Variants in PHACTR2 observed in about 807,000 individuals in gnomAD.
PHACTR2 encodes phosphatase and actin regulator 2, also known as chromosome 6 open reading frame 56.
A neutral mutation model predicts 76.0 loss-of-function variants in PHACTR2; 30 were observed. The ratio of observed to expected loss-of-function variants is 0.39; its 90% CI spans 0.30 to 0.54. The LOEUF is 0.54. Ranked by LOEUF, PHACTR2 falls within the 20% of genes least tolerant of loss-of-function variation. The pLI, the probability that PHACTR2 is intolerant of heterozygous loss-of-function variation, is 0.61. For synonymous variants in PHACTR2, 292 were observed against 292.5 expected (o/e 1.00, Z 0.02); for missense variants, 696 against 781.1 (o/e 0.89, Z 1.30).
In PHACTR2 at chr6:143,818,215, G is replaced by A. The variant is rs1441338550; in HGVS notation, c.1923-5459G>A. ...CAGATGATCACCTTTTCTATTCCAT[G>A]CTACCCAGAGAACACCAGAAAATCA... On this transcript the variant is annotated intron_variant, in intron 12 of 12. Coordinates refer to ENST00000440869, the MANE Select transcript of PHACTR2 (RefSeq NM_001100164.2). This position sits in a 1 kb window ranked among gnomAD's most constrained non-coding sequence, Gnocchi z 4.9. Among the ~76,000 whole-genome samples, 1 of 152,210 alleles carries A rather than the reference G, an allele frequency of 6.6e-6. No individual in the cohort carries two copies. The highest frequency in any genetic ancestry group is 2.4e-5 in the African/African-American group (1 of 41,448).
rs1228738571 is a variant in PHACTR2, at chr6:143,801,050, T to G, written c.1846-6007T>G. On this transcript the variant is annotated intron_variant, in intron 11 of 12. Coordinates refer to ENST00000440869, the MANE Select transcript of PHACTR2 (RefSeq NM_001100164.2). This position sits in a 1 kb window ranked among gnomAD's most constrained non-coding sequence, Gnocchi z 4.6. ...CCACTCTCTTCTGGCTGGTAGGGTA[T>G]CTGCAGAGAGATCCACTGTTAGTCT... Among the ~76,000 whole-genome samples the G allele has an allele frequency of 6.6e-6, 1 of 152,228 alleles. No individual in the cohort carries two copies. The highest frequency in any genetic ancestry group is 1.9e-4 in the East Asian group (1 of 5,200).
intron 1 of PHACTR2, among the ~76,000 whole-genome samples, chr6:143,560,218 T>G (rs1775247246): frequency 6.6e-6 from 1 of 152,198 alleles, no homozygotes; most frequent in African/African-American, 2.4e-5. Flanking sequence ...TGTCCTTAAT[T>G]AAATAACTCA....
chr6:143,659,802 T>C lies in PHACTR2; in HGVS notation c.13+51480T>C, dbSNP rs1776915910. On this transcript the variant is annotated intron_variant, in intron 1 of 11. Coordinates refer to the PHACTR2 transcript ENST00000305766. The surrounding 1 kb of genome is among the most constrained non-coding windows in gnomAD (Gnocchi z 5.0). ...AAAAGCAGAGGAAACTAGAACTCCC[T>C]TCCAGTTTGTTCATCCATACACAGT... 6.6e-6 allele frequency among the ~76,000 whole-genome samples: 1 copy of C among 152,192 alleles called. No homozygotes were observed. The highest frequency in any genetic ancestry group is 2.4e-5 in the African/African-American group (1 of 41,440).
At chr6:143,640,475 T>G (rs954320137) in intron 1 of PHACTR2, among the ~76,000 whole-genome samples, 5 of 152,084 alleles carry the variant, frequency 3.3e-5, no homozygotes, top group Admixed American at 2.0e-4. Context: ...CTAGATGCGT[T>G]TATGGAAGTG....
rs1037594521 is a variant in PHACTR2, at chr6:143,548,952, A to G, written c.217+11745A>G. Among the ~76,000 whole-genome samples, 1 of 151,936 alleles carries G rather than the reference A, an allele frequency of 6.6e-6. No individual in the cohort carries two copies. The highest frequency in any genetic ancestry group is 2.4e-5 in the African/African-American group (1 of 41,384). On this transcript the variant is annotated intron_variant, in intron 1 of 11. Coordinates refer to the PHACTR2 transcript ENST00000367584. This position sits in a 1 kb window ranked among gnomAD's most constrained non-coding sequence, Gnocchi z 4.5. ...GAACAACAAGATAAGAATAGGAAGG[A>G]TGATGGAAATCATTGGCTGGGGTGA...
chr6:143,551,036 CCAA>C (rs1009759720), intron 1 of PHACTR2, among the ~76,000 whole-genome samples: 1 of 151,540 alleles, frequency 6.6e-6, no homozygotes, highest in Non-Finnish European at 1.5e-5. Context: ...AATCCTGTCT[CCAA>C]CAACAAACAA....
rs373374523 is a variant in PHACTR2 at position 143,608,414 on chromosome 6, C to T, written c.13+92C>T. 2 of 1,305,410 alleles carry T rather than the reference C, an allele frequency of 1.5e-6. No individual in the cohort carries two copies. The highest frequency in any genetic ancestry group is 1.1e-6 in the Non-Finnish European group (1 of 905,274). 80.9% of individuals were successfully genotyped at this position (1,305,410 alleles called of 1,614,324 possible). On this transcript the variant is annotated intron_variant, in intron 1 of 11. Transcript: ENST00000305766. This position sits in a 1 kb window ranked among gnomAD's most constrained non-coding sequence, Gnocchi z 4.6. ...GGAAGGTTTGCCTATTTGTTGCTCT[C>T]GTTTTGCACTTAAATGTTCAAGACT...
rs1289128518 is a variant in PHACTR2 at position 143,809,191 on chromosome 6, A to T, written c.1922+2058A>T. ...TAAAGAACAAATTACAGTCAAAAGG[A>T]ATCAAATTTTAAAAGTACATTTTTA... is the stretch of plus-strand genomic sequence containing the variant. On this transcript the variant is annotated intron_variant, in intron 12 of 12. Transcript: ENST00000440869. The surrounding 1 kb of genome is among the most constrained non-coding windows in gnomAD (Gnocchi z 4.2). Among the ~76,000 whole-genome samples, 1 of 152,214 alleles carries T rather than the reference A, an allele frequency of 6.6e-6. No homozygotes were observed. The highest frequency in any genetic ancestry group is 1.5e-5 in the Non-Finnish European group (1 of 68,030).
rs1050484164 is a variant in PHACTR2 at position 143,827,188 on chromosome 6, A to G, written c.*3499A>G. The G allele has an allele frequency of 4.6e-5, 6 of 130,186 alleles. No individual in the cohort carries two copies. Among genetic ancestry groups the G allele is most frequent in the South Asian group, 2.4e-4 (1 of 4,220 alleles). The allele number at this position is 130,186 out of a possible 1,614,324, so 8.1% of individuals were successfully genotyped here. On this transcript the variant is annotated 3_prime_UTR_variant, in exon 13 of 13. Transcript: ENST00000440869. ...TATATATATATATATATATATATAT[A>G]TATATATATATGTATATTATATATA...
At chr6:143,564,250 C>A (rs1179554691) in intron 1 of PHACTR2, among the ~76,000 whole-genome samples, 1 of 117,276 alleles carries the variant, frequency 8.5e-6, no homozygotes, top group Non-Finnish European at 1.8e-5. Context: ...TGCCACTGCA[C>A]TCTAACCTTG....
rs1469633358 is a variant in PHACTR2, at chr6:143,807,190, G to C, written c.1922+57G>C. ...AATGCTTAAGATGTGATCCCATGTT[G>C]AGTTGGTTAAAAAAAGAAATTGCTT... On this transcript the variant is annotated intron_variant, in intron 12 of 12. Coordinates refer to ENST00000440869, the MANE Select transcript of PHACTR2 (RefSeq NM_001100164.2). The surrounding 1 kb of genome is among the most constrained non-coding windows in gnomAD (Gnocchi z 5.5). The C allele has an allele frequency of 4.0e-6, 4 of 995,678 alleles. No individual in the cohort carries two copies. Among genetic ancestry groups the C allele is most frequent in the Non-Finnish European group, 6.2e-6 (4 of 646,154 alleles). The allele number at this position is 995,678 out of a possible 1,614,324, so 61.7% of individuals were successfully genotyped here. A position where few individuals can be genotyped will look rare whatever the true frequency, so the allele number is the denominator to read the frequency against.
At position 143,791,171 on chromosome 6, in the gene PHACTR2, A is replaced by G. The variant is rs747060158; in HGVS notation, c.1845+2261A>G. ...TTACCTGGAGTTGTTTTTTGGGGGA[A>G]GGTATAAGATATGCTTTCAGTTTGC... On this transcript the variant is annotated intron_variant, in intron 11 of 12. Coordinates refer to ENST00000440869, the MANE Select transcript of PHACTR2 (RefSeq NM_001100164.2). This position sits in a 1 kb window ranked among gnomAD's most constrained non-coding sequence, Gnocchi z 4.7. Among the ~76,000 whole-genome samples the G allele has an allele frequency of 1.2e-4, 19 of 152,146 alleles. No individual in the cohort carries two copies. Among genetic ancestry groups the G allele is most frequent in the Non-Finnish European group, 2.5e-4 (17 of 68,022 alleles).
rs374696119 is a variant in PHACTR2 at position 143,812,393 on chromosome 6, G to A, written c.1922+5260G>A. On this transcript the variant is annotated intron_variant, in intron 12 of 12. Transcript: ENST00000440869. ...TGTTTCTGTAAATGAAGATTACGTC[G>A]TGGTGGCTTTTCTTGACTAATGTGT... Among the ~76,000 whole-genome samples, 142 of 152,322 alleles carry A rather than the reference G, an allele frequency of 9.3e-4. 1 individual carries two copies. Among genetic ancestry groups the A allele is most frequent in the Admixed American group, 9.8e-4 (15 of 15,302 alleles).
chr6:143,607,168 T>G (rs1303090418), upstream of PHACTR2, among the ~76,000 whole-genome samples: 1 of 141,992 alleles, frequency 7.0e-6, no homozygotes, highest in Non-Finnish European at 1.5e-5. Flanking sequence ...CACTATGAAC[T>G]GTTTTTTTAA....
In PHACTR2 at chr6:143,760,569, C is replaced by T. The variant is rs761544570; in HGVS notation, c.623C>T (p.Thr208Ile). The change falls in exon 5 of 13, where the codon ACC becomes ATC. Residue 208 changes from threonine to isoleucine, a missense_variant. Thr to Ile is a moderately conservative substitution (Grantham distance 89). Transcript: ENST00000440869. The surrounding 1 kb of genome is among the most constrained non-coding windows in gnomAD (Gnocchi z 6.4). The stretch of plus-strand genomic sequence containing the variant: ...GAAGTGCCTCCCATTAAAAAAAATA[C>T]CAAGGCTCCTGGTAAGCAGGCCCCC... ...GDEVPPIKKN[T>I]KAPGKQAPVP... 1 of 1,613,930 alleles carries T rather than the reference C, an allele frequency of 6.2e-7. No homozygotes were observed. Among genetic ancestry groups the T allele is most frequent in the East Asian group, 2.2e-5 (1 of 44,870 alleles).
At position 143,639,428 on chromosome 6, in the gene PHACTR2, A is replaced by G. The variant is rs533006063; in HGVS notation, c.13+31106A>G. ...GTGAAAGCATATTCAGAGCCATTTT[A>G]TAAGTGACACAAGCAAAATAATTCT... On this transcript the variant is annotated intron_variant, in intron 1 of 11. Coordinates refer to the PHACTR2 transcript ENST00000305766. This position sits in a 1 kb window ranked among gnomAD's most constrained non-coding sequence, Gnocchi z 5.0. 1.3e-5 allele frequency among the ~76,000 whole-genome samples: 2 copies of G among 152,356 alleles called. No homozygotes were observed. The highest frequency in any genetic ancestry group is 1.3e-4 in the Admixed American group (2 of 15,306).
At position 143,555,599 on chromosome 6, in the gene PHACTR2, A is replaced by AT. The variant is rs1375753666; in HGVS notation, c.217+18398dup. ...TATTTTACATTTTGGTTATCAGTCT[A>AT]TTTTTTCCTGCTTTTCCTCTTGCTC... is the stretch of plus-strand genomic sequence containing the variant. On this transcript the variant is annotated intron_variant, in intron 1 of 11. Coordinates refer to the PHACTR2 transcript ENST00000367584. Among the ~76,000 whole-genome samples, 10 of 152,104 alleles carry AT rather than the reference A, an allele frequency of 6.6e-5. No individual in the cohort carries two copies. The East Asian group carries it at 1.9e-3, about 29-fold the overall frequency.
At chr6:143,629,841 C>T (rs1235494166) in intron 1 of PHACTR2, among the ~76,000 whole-genome samples, 1 of 152,128 alleles carries the variant, frequency 6.6e-6, no homozygotes, top group Admixed American at 6.5e-5. Flanking sequence ...TGCTGCTCAG[C>T]TTCGTTTGGA....
intron 1 of PHACTR2, among the ~76,000 whole-genome samples, chr6:143,573,336 A>G (rs574214890): frequency 2.6e-5 from 4 of 152,316 alleles, no homozygotes; most frequent in African/African-American, 7.2e-5. Flanking sequence ...CCTTGATCCA[A>G]TTCAGGCCAT....
Sources: gnomAD v4.1 joint callset for allele counts (sites outside exome capture counted in the v4.1 genomes callset) on GRCh38, gnomAD v4.1.1 for gene constraint, Gnocchi (gnomAD v3.1) non-coding constraint, MANE v1.5 for transcripts, NCBI Gene and HGNC (gene_info 2026-07-23, HGNC 2026-07-21) for gene names.